Variants in SEMA3A observed in about 807,000 individuals in gnomAD.
SEMA3A encodes semaphorin-3A.
SEMA3A carries 29 observed loss-of-function variants against 97.9 expected under a neutral mutation model. The ratio of observed to expected loss-of-function variants is 0.30; its 90% CI spans 0.22 to 0.40. SEMA3A has a LOEUF of 0.40. SEMA3A is among the 10% of genes least tolerant of loss of function. The pLI, the probability that SEMA3A is intolerant of heterozygous loss-of-function variation, is 1.00. For missense variants in SEMA3A, 763 were observed against 951.3 expected, an observed-to-expected ratio of 0.80 and a Z score of 2.60; for synonymous variants, 321 against 323.7, an observed-to-expected ratio of 0.99 and a Z score of 0.09.
intron 12 of SEMA3A, among the ~76,000 whole-genome samples, chr7:83,991,895 G>C (rs1314775046): frequency 6.1e-4 from 90 of 147,098 alleles, no homozygotes; most frequent in African/African-American, 8.2e-4. Context: ...AGAAGGAATG[G>C]TACCAGTTCC....
At chr7:84,217,637 G>C (rs1376219990) in intron 3 of SEMA3A, among the ~76,000 whole-genome samples, 1 of 151,948 alleles carries the variant, frequency 6.6e-6, no homozygotes, top group Non-Finnish European at 1.5e-5. Flanking sequence ...ACAACTCAAG[G>C]TTTAAAAACT....
At chr7:84,002,151 G>A (rs181389092) in intron 11 of SEMA3A, 105 bp from the exon 12 acceptor site, 22 of 612,460 alleles carry the variant, frequency 3.6e-5, no homozygotes, top group Middle Eastern at 2.6e-4. Context: ...CTTTGATATC[G>A]GTCTTCCTTT....
At position 84,125,886 on chromosome 7, in the gene SEMA3A, C is replaced by T. The variant is rs564299538; in HGVS notation, c.333+3237G>A. 5.9e-5 allele frequency among the ~76,000 whole-genome samples: 9 copies of T among 152,200 alleles called. No homozygotes were observed. In the South Asian group the frequency reaches 1.9e-3, roughly 32 times the overall value. On this transcript the variant is annotated intron_variant, in intron 3 of 16. Transcript: ENST00000265362. ...GACTGGGTTGATTCAGTCGTGAAAT[C>T]AAATAAAGCTTCAGTTTGTATTAGA... is the stretch of plus-strand genomic sequence containing the variant.
chr7:84,186,861 C>T (rs1797903042), intron 1 of SEMA3A, among the ~76,000 whole-genome samples: 2 of 152,054 alleles, frequency 1.3e-5, no homozygotes, highest in Admixed American at 1.3e-4. Flanking sequence ...GCCTACTATC[C>T]TCTCCCACCC....
At chr7:84,213,081 G>A (rs758434490) in intron 3 of SEMA3A, among the ~76,000 whole-genome samples, 5 of 152,000 alleles carry the variant, frequency 3.3e-5, no homozygotes, top group African/African-American at 9.7e-5. Context: ...GGGTTCAAGC[G>A]ATTCTCCTGC....
intron 1 of SEMA3A, among the ~76,000 whole-genome samples, chr7:84,152,407 T>C (rs1305312519): frequency 2.1e-5 from 3 of 141,512 alleles, no homozygotes; most frequent in Non-Finnish European, 3.0e-5. Flanking sequence ...ATGGATGAAA[T>C]TGGAAATCAT....
At position 83,999,582 on chromosome 7, in the gene SEMA3A, C is replaced by A. The variant is rs566598234; in HGVS notation, c.1452+2373G>T. Reference sequence around the variant, plus strand: ...CTTTGAGCTGCATGAAGTCACAGACCATTTTTATAGTGTTCATCTCTGTAT... The same window carrying A: ...CTTTGAGCTGCATGAAGTCACAGACAATTTTTATAGTGTTCATCTCTGTAT... On this transcript the variant is annotated intron_variant, in intron 12 of 16. Coordinates refer to ENST00000265362, the MANE Select transcript of SEMA3A (RefSeq NM_006080.3). Among the ~76,000 whole-genome samples the A allele has an allele frequency of 2.6e-5, 4 of 152,100 alleles. No individual in the cohort carries two copies. The East Asian group carries it at 5.8e-4, about 22-fold the overall frequency.
chr7:84,201,076 A>C (rs892071946), intron 3 of SEMA3A, among the ~76,000 whole-genome samples: 1 of 152,136 alleles, frequency 6.6e-6, no homozygotes, highest in African/African-American at 2.4e-5. Context: ...AAATAAACAA[A>C]GTGAAGAGAC....
intron 1 of SEMA3A, among the ~76,000 whole-genome samples, chr7:84,443,570 A>G (rs958082167): frequency 1.3e-5 from 2 of 152,168 alleles, no homozygotes; most frequent in Non-Finnish European, 2.9e-5. Context: ...ATGACTCATG[A>G]TTTCCCCTTG....
intron 3 of SEMA3A, among the ~76,000 whole-genome samples, chr7:84,119,379 T>G (rs1795532946): frequency 6.6e-6 from 1 of 152,112 alleles, no homozygotes; most frequent in Admixed American, 6.6e-5. Flanking sequence ...AGTGTCAAGT[T>G]TTCAGAGCTA....
intron 3 of SEMA3A, among the ~76,000 whole-genome samples, chr7:84,253,298 A>G (rs1436276868): frequency 6.6e-6 from 1 of 152,108 alleles, no homozygotes; most frequent in Non-Finnish European, 1.5e-5. Flanking sequence ...AAGGGTTTGG[A>G]AATATATGAG....
rs1213085184 is a variant in SEMA3A at position 83,961,587 on chromosome 7, C to T, written c.2100G>A (p.Lys700=). The change falls in exon 17 of 17, where the codon AAG becomes AAA. Residue 700 remains lysine, a synonymous_variant. Transcript: ENST00000265362. The part of the protein sequence containing the change: ...EMSNSMTPSQ[K]VWYRDFMQLI... ...GCTGCATGAAGTCTCTGTACCAGAC[C>T]TTCTGGCTAGGTGTCATGCTATTGG... 1.2e-6 allele frequency: 2 copies of T among 1,614,102 alleles called. No individual in the cohort carries two copies. The highest frequency in any genetic ancestry group is 2.2e-5 in the South Asian group (2 of 91,086).
intron 3 of SEMA3A, among the ~76,000 whole-genome samples, chr7:84,284,226 G>A (rs1469896321): frequency 6.6e-6 from 1 of 152,100 alleles, no homozygotes; most frequent in Non-Finnish European, 1.5e-5. Flanking sequence ...CTGTCTCTGA[G>A]CAGGTCTTTG....
intron 16 of SEMA3A, among the ~76,000 whole-genome samples, 163 bp from the exon 17 acceptor site, chr7:83,961,989 G>T (rs1788491924): frequency 6.6e-6 from 1 of 152,094 alleles, no homozygotes; most frequent in African/African-American, 2.4e-5. Context: ...CCCATTAGGA[G>T]AATTATAATA....
chr7:84,221,671 C>A (rs1798885221), intron 3 of SEMA3A, among the ~76,000 whole-genome samples: 1 of 151,854 alleles, frequency 6.6e-6, no homozygotes, highest in Admixed American at 6.6e-5. Flanking sequence ...GAGGAAATGG[C>A]CAGTGAGTAG....
At chr7:84,125,282 A>AT (rs1190144383) in intron 3 of SEMA3A, among the ~76,000 whole-genome samples, 2 of 152,154 alleles carry the variant, frequency 1.3e-5, no homozygotes, top group African/African-American at 4.8e-5. Flanking sequence ...AATGATTTAT[A>AT]TTTTTTCAGA....
rs566926140 is a variant in SEMA3A at position 84,361,569 on chromosome 7, G to A, written c.-169+10255C>T. Among the ~76,000 whole-genome samples, 11 of 152,004 alleles carry A rather than the reference G, an allele frequency of 7.2e-5. No homozygotes were observed. In the South Asian group the frequency reaches 2.3e-3, roughly 32 times the overall value. On this transcript the variant is annotated intron_variant, in intron 2 of 3. Transcript: ENST00000424555. ...AAGCAATATTCTATTGAAAGAAAAT[G>A]GATAGATGGACACCATTAGGGAGAA...
At position 84,215,574 on chromosome 7, in the gene SEMA3A, C is replaced by T. The variant is rs1002279143; in HGVS notation, c.-82-20906G>A. ...AACTCTTTTTTCCTGTCCCCTAGCT[C>T]TATTTTAACCCACAGCCCTTATTGC... On this transcript the variant is annotated intron_variant, in intron 3 of 3. Coordinates refer to the SEMA3A transcript ENST00000424555. 2.0e-5 allele frequency among the ~76,000 whole-genome samples: 3 copies of T among 152,314 alleles called. No individual in the cohort carries two copies. In the South Asian group the frequency reaches 6.2e-4, roughly 32 times the overall value.
chr7:84,307,045 T>C (rs868424206), intron 3 of SEMA3A, among the ~76,000 whole-genome samples: 1 of 152,098 alleles, frequency 6.6e-6, no homozygotes, highest in South Asian at 2.1e-4. Context: ...CCCTCTCATC[T>C]ACCCAAATAA....
Sources: gnomAD v4.1 joint callset for allele counts (sites outside exome capture counted in the v4.1 genomes callset) on GRCh38, gnomAD v4.1.1 for gene constraint, MANE v1.5 for transcripts, NCBI Gene and HGNC (gene_info 2026-07-23, HGNC 2026-07-21) for gene names.